ENTPD1: variants seen among roughly 807,000 people sequenced by gnomAD.
The protein encoded by ENTPD1 is ATP diphosphohydrolase.
ENTPD1 carries 33 observed loss-of-function variants against 57.0 expected under a neutral mutation model. The observed-to-expected ratio is 0.58, with a 90% CI of 0.44 to 0.77. The LOEUF (loss-of-function observed/expected upper bound fraction) is 0.77. Among genes scored for constraint, ENTPD1 ranks in the 30% least tolerant of loss-of-function variants. ENTPD1 has a pLI of 0.00. For synonymous variants in ENTPD1, 202 were observed against 218.8 expected (o/e 0.92, Z 0.68); for missense variants, 501 against 603.4 (o/e 0.83, Z 1.78).
chr10:95,755,692 C>T, upstream of ENTPD1: 1 of 1,537,228 alleles, frequency 6.5e-7, no homozygotes, highest in Middle Eastern at 1.7e-4. Flanking sequence ...GAAAGGATTG[C>T]TGGTCATGGG....
chr10:95,866,414 G>A lies in ENTPD1; in HGVS notation c.*31G>A, dbSNP rs935947961. The stretch of plus-strand genomic sequence containing the variant: ...GCAGCTGAAATATGCTGGCTGGAGT[G>A]AGGAAAAAAATCGTCCAGGGAGCAT... On this transcript the variant is annotated 3_prime_UTR_variant, in exon 10 of 10. Coordinates refer to ENST00000371205, the MANE Select transcript of ENTPD1 (RefSeq NM_001776.6). 3 of 1,613,246 alleles carry A rather than the reference G, an allele frequency of 1.9e-6. No individual in the cohort carries two copies. The highest frequency in any genetic ancestry group is 1.6e-4 in the Middle Eastern group (1 of 6,078).
At chr10:95,779,285 T>A (rs1409339012) in intron 1 of ENTPD1, among the ~76,000 whole-genome samples, 1 of 152,312 alleles carries the variant, frequency 6.6e-6, no homozygotes, top group South Asian at 2.1e-4. Context: ...ACTGTCATGA[T>A]TCCTCCACAT....
chr10:95,815,769 G>A (rs1314777742), intron 1 of ENTPD1, among the ~76,000 whole-genome samples: 1 of 152,170 alleles, frequency 6.6e-6, no homozygotes, highest in Non-Finnish European at 1.5e-5. Context: ...TAGAAAAAGA[G>A]ACTGAGTCAA....
intron 7 of ENTPD1, among the ~76,000 whole-genome samples, chr10:95,856,671 T>TATATATATATATACAC (rs571622251): frequency 2.0e-5 from 3 of 146,780 alleles, no homozygotes; most frequent in Non-Finnish European, 3.0e-5. Context: ...TATATATATA[T>TATATATATATATACAC]ACACACACAT....
chr10:95,732,199 C>T (rs1287248956), intron 1 of ENTPD1, among the ~76,000 whole-genome samples: 1 of 152,188 alleles, frequency 6.6e-6, no homozygotes, highest in Non-Finnish European at 1.5e-5. Context: ...GCAATGATTA[C>T]AGTGCTATTG....
At chr10:95,719,300 C>G (rs953144299) in intron 1 of ENTPD1, among the ~76,000 whole-genome samples, 12 of 152,216 alleles carry the variant, frequency 7.9e-5, no homozygotes, top group African/African-American at 2.9e-4. Flanking sequence ...AAGCTTAATA[C>G]TGGGGCTTCG....
chr10:95,736,035 C>G (rs1003762097), intron 1 of ENTPD1, among the ~76,000 whole-genome samples: 9 of 144,374 alleles, frequency 6.2e-5, no homozygotes, highest in South Asian at 2.2e-4. Context: ...GAGTCTCACT[C>G]TGTTGCCCAG....
intron 1 of ENTPD1, among the ~76,000 whole-genome samples, chr10:95,714,571 TTTAAGA>T (rs929926977): frequency 5.3e-5 from 8 of 152,166 alleles, no homozygotes; most frequent in East Asian, 1.9e-4. Flanking sequence ...TTTTCCTGAG[TTTAAGA>T]TTATGTTGAA....
chr10:95,800,370 C>A (rs894035570), intron 1 of ENTPD1, among the ~76,000 whole-genome samples: 1 of 151,994 alleles, frequency 6.6e-6, no homozygotes, highest in African/African-American at 2.4e-5. Context: ...CTTCAAAGAG[C>A]AATAAAGGTC....
chr10:95,782,687 C>T (rs1430928097), intron 1 of ENTPD1, among the ~76,000 whole-genome samples: 1 of 152,122 alleles, frequency 6.6e-6, no homozygotes, highest in Non-Finnish European at 1.5e-5. Context: ...AGAATTTTCC[C>T]CCTTGCCTTA....
chr10:95,801,141 T>C (rs2098247936), intron 1 of ENTPD1, among the ~76,000 whole-genome samples: 1 of 152,248 alleles, frequency 6.6e-6, no homozygotes, highest in Admixed American at 6.5e-5. Flanking sequence ...TGGCTCCAGC[T>C]GGTCCCTCTG....
rs1014802371 is a variant in ENTPD1, at chr10:95,868,276, A to T, written c.*1893A>T. 2 of 985,328 alleles carry T rather than the reference A, an allele frequency of 2.0e-6. No individual in the cohort carries two copies. Among genetic ancestry groups the T allele is most frequent in the African/African-American group, 3.5e-5 (2 of 57,238 alleles). 61.0% of individuals were successfully genotyped at this position (985,328 alleles called of 1,614,324 possible). A position where few individuals can be genotyped will look rare whatever the true frequency, so the allele number is the denominator to read the frequency against. On this transcript the variant is annotated 3_prime_UTR_variant, in exon 10 of 10. Coordinates refer to ENST00000371205, the MANE Select transcript of ENTPD1 (RefSeq NM_001776.6). Reference sequence around the variant, plus strand: ...GGCTGTCTCCTCATAACTTCCAAGCATGCACTTAAAACTCCACATGAATAC... The same window carrying T: ...GGCTGTCTCCTCATAACTTCCAAGCTTGCACTTAAAACTCCACATGAATAC...
intron 2 of ENTPD1, among the ~76,000 whole-genome samples, chr10:95,825,744 A>T (rs1046596993): frequency 2.0e-5 from 3 of 151,876 alleles, no homozygotes; most frequent in African/African-American, 7.2e-5. Context: ...CGCCCGGCTA[A>T]TTTTTTTGTA....
chr10:95,847,689 C>T lies in ENTPD1; in HGVS notation c.1057C>T (p.Leu353Phe), dbSNP rs201047171. 28 of 1,614,196 alleles carry T rather than the reference C, an allele frequency of 1.7e-5. No homozygotes were observed. The East Asian group carries it at 6.0e-4, about 35-fold the overall frequency. ...CTTCAATGGGATTTTCTTGCCACCA[C>T]TCCAGGGGGATTTTGGGGTAAGTTT... is the stretch of plus-strand genomic sequence containing the variant. The part of the protein sequence containing the change: ...CAFNGIFLPP[L>F]QGDFGAFSAF... The change falls in exon 7 of 10, where the codon CTC becomes TTC. Residue 353 changes from leucine to phenylalanine, a missense_variant. Transcript: ENST00000371205.
chr10:95,716,857 C>T (rs992382862), intron 1 of ENTPD1, among the ~76,000 whole-genome samples: 4 of 152,204 alleles, frequency 2.6e-5, no homozygotes, highest in African/African-American at 9.7e-5. Context: ...TGACAGATGG[C>T]AAGCTTTATT....
the ENTPD1 span, among the ~76,000 whole-genome samples, chr10:95,696,993 A>C: frequency 5.0e-4 from 76 of 152,346 alleles, 1 homozygote; most frequent in East Asian, 0.015. Context: ...CCAGAATTGA[A>C]ATACATGAAG....
At chr10:95,720,950 T>C (rs762265824) in intron 1 of ENTPD1, among the ~76,000 whole-genome samples, 26 of 152,236 alleles carry the variant, frequency 1.7e-4, no homozygotes, top group Admixed American at 5.2e-4. Context: ...TTCCACCTGC[T>C]CCTCCTGATC....
chr10:95,773,126 G>A (rs1017582483), intron 1 of ENTPD1, among the ~76,000 whole-genome samples: 6 of 151,852 alleles, frequency 4.0e-5, no homozygotes, highest in Non-Finnish European at 7.4e-5. Context: ...TCATGGGAAC[G>A]AATAGAGTAA....
chr10:95,781,454 T>G (rs1034785149), intron 1 of ENTPD1, among the ~76,000 whole-genome samples: 15 of 152,168 alleles, frequency 9.9e-5, no homozygotes, highest in Non-Finnish European at 1.6e-4. Flanking sequence ...ATAATTGGAT[T>G]GTAACACAAA....
Sources: gnomAD v4.1 joint callset for allele counts (sites outside exome capture counted in the v4.1 genomes callset) on GRCh38, gnomAD v4.1.1 for gene constraint, MANE v1.5 for transcripts, NCBI Gene and HGNC (gene_info 2026-07-23, HGNC 2026-07-21) for gene names.